Variants in HEATR1 observed in about 807,000 individuals in gnomAD.
The protein encoded by HEATR1 is HEAT repeat containing 1.
HEATR1 carries 77 observed loss-of-function variants against 248.2 expected under a neutral mutation model. That is an observed-to-expected ratio of 0.31 (90% CI 0.26 to 0.37). HEATR1 has a LOEUF of 0.37. Ranked by LOEUF, HEATR1 falls within the 10% of genes least tolerant of loss-of-function variation. HEATR1 has a pLI of 1.00. For missense variants in HEATR1, 2,420 were observed against 2,504.9 expected, an observed-to-expected ratio of 0.97 and a Z score of 0.72; for synonymous variants, 897 against 923.1, an observed-to-expected ratio of 0.97 and a Z score of 0.51.
chr1:236,566,885 C>G lies in HEATR1; in HGVS notation c.4078-9G>C. The G allele has an allele frequency of 1.3e-6, 2 of 1,583,370 alleles. No homozygotes were observed. The highest frequency in any genetic ancestry group is 8.7e-7 in the Non-Finnish European group (1 of 1,152,248). ...GAATCTCCACTATCAGACTGCAAAA[C>G]AGCAAGCAGAGACAATGAGTAGGTG... is the stretch of plus-strand genomic sequence containing the variant. On this transcript the variant is annotated splice_polypyrimidine_tract_variant and intron_variant, in intron 29 of 44. Transcript: ENST00000366582.
At chr1:236,593,387 A>G (rs1664092050) in intron 9 of HEATR1, among the ~76,000 whole-genome samples, 1 of 151,904 alleles carries the variant, frequency 6.6e-6, no homozygotes, top group Admixed American at 6.6e-5. Context: ...TAATTCACAA[A>G]CCAACCCTCT....
intron 32 of HEATR1, 29 bp from the exon 33 acceptor site, chr1:236,561,300 C>CG (rs776113738): frequency 4.4e-6 from 7 of 1,577,042 alleles, no homozygotes; most frequent in Non-Finnish European, 6.1e-6. Context: ...GTCATTAGAA[C>CG]GGTAGGGAAG....
chr1:236,549,322 C>T lies in HEATR1; in HGVS notation c.*1580G>A, dbSNP rs1662604610. 2 of 210,730 alleles carry T rather than the reference C, an allele frequency of 9.5e-6. No homozygotes were observed. The highest frequency in any genetic ancestry group is 9.8e-5 in the East Asian group (1 of 10,230). The allele number at this position is 210,730 out of a possible 1,614,324, so 13.1% of individuals were successfully genotyped here. A position where few individuals can be genotyped will look rare whatever the true frequency, so the allele number is the denominator to read the frequency against. ...ATTTGAGGGGAGTTGGCAGAAGTTC[C>T]ATGTATATGGGATCTTTACAGGTCA... On this transcript the variant is annotated 3_prime_UTR_variant, in exon 45 of 45. Transcript: ENST00000366582.
At chr1:236,601,567 C>T (rs1664324785) in intron 3 of HEATR1, among the ~76,000 whole-genome samples, 1 of 152,066 alleles carries the variant, frequency 6.6e-6, no homozygotes, top group South Asian at 2.1e-4. Flanking sequence ...CTTTGGGAGG[C>T]CGACTCGGCA....
rs572317385 is a variant in HEATR1, at chr1:236,582,061, A to G, written c.2563-647T>C. ...TGTTTACAAGTCTACTTTTGTTTAC[A>G]TTATAAACTGTCATAACCCAAATAA... On this transcript the variant is annotated intron_variant, in intron 19 of 44. Transcript: ENST00000366582. 7.9e-4 allele frequency among the ~76,000 whole-genome samples: 121 copies of G among 152,284 alleles called. No individual in the cohort carries two copies. The Middle Eastern group carries it at 0.017, about 21-fold the overall frequency.
In HEATR1 at chr1:236,554,819, A is replaced by G. The variant is rs1001642858; in HGVS notation, c.5924-67T>C. 15 of 1,335,802 alleles carry G rather than the reference A, an allele frequency of 1.1e-5. No individual in the cohort carries two copies. In the African/African-American group the frequency reaches 2.1e-4, roughly 19 times the overall value. 82.7% of individuals were successfully genotyped at this position (1,335,802 alleles called of 1,614,324 possible). Reference sequence around the variant, plus strand: ...TAACCATTTAATCTCCAATGTTTACATTGAAATCACTATTAAAATAACTAA... The same window carrying G: ...TAACCATTTAATCTCCAATGTTTACGTTGAAATCACTATTAAAATAACTAA... On this transcript the variant is annotated intron_variant, in intron 41 of 44. Transcript: ENST00000366582.
intron 39 of HEATR1, 36 bp downstream of exon 39, chr1:236,555,769 C>A (rs576075248): frequency 1.2e-6 from 2 of 1,613,620 alleles, no homozygotes; most frequent in South Asian, 2.2e-5. Flanking sequence ...AGGTGGATAA[C>A]AGCTTTAGGA....
chr1:236,595,695 T>C (rs745372163), intron 7 of HEATR1, 22 bp from the exon 8 acceptor site: 1 of 1,603,392 alleles, frequency 6.2e-7, no homozygotes, highest in Non-Finnish European at 8.5e-7. Context: ...CAAAAGTACA[T>C]ATCGTGTTGA....
chr1:236,570,521 T>C (rs745669453), intron 28 of HEATR1, among the ~76,000 whole-genome samples: 17 of 151,988 alleles, frequency 1.1e-4, no homozygotes, highest in South Asian at 2.1e-4. Flanking sequence ...TGACAGTTAA[T>C]GGGTGTAGGG....
intron 8 of HEATR1, among the ~76,000 whole-genome samples, chr1:236,594,940 A>C (rs1378642753): frequency 6.6e-6 from 1 of 152,118 alleles, no homozygotes; most frequent in Non-Finnish European, 1.5e-5. Flanking sequence ...CTGGGACCAC[A>C]GTTGCATGTC....
At position 236,574,739 on chromosome 1, in the gene HEATR1, A is replaced by G. The variant is rs199616842; in HGVS notation, c.3249T>C (p.Asp1083=). The G allele has an allele frequency of 4.6e-5, 75 of 1,613,854 alleles. No homozygotes were observed. The Admixed American group carries it at 9.0e-4, about 19-fold the overall frequency. ...SLLNEDPKSL[D]IFIKAVHTTK... is the part of the protein sequence containing the mutation. ...TTGTGTGCACAGCTTTTATAAATAT[A>G]TCTAGACTCTTCGGATCCTCATTTA... The change falls in exon 23 of 45, where the codon GAT becomes GAC. Residue 1083 remains aspartate, a synonymous_variant. Transcript: ENST00000366582.
intron 13 of HEATR1, 86 bp downstream of exon 13, chr1:236,587,862 T>C: frequency 1.1e-6 from 1 of 906,162 alleles, no homozygotes; most frequent in Non-Finnish European, 1.7e-6. Context: ...TTTCCAAAAA[T>C]ATTCTAGTCT....
intron 16 of HEATR1, among the ~76,000 whole-genome samples, 188 bp from the exon 17 acceptor site, chr1:236,585,404 A>G (rs1663859153): frequency 6.6e-6 from 1 of 152,228 alleles, no homozygotes; most frequent in South Asian, 2.1e-4. Flanking sequence ...TGTAATGAAC[A>G]TAATTGCACT....
chr1:236,553,567 A>C lies in HEATR1; in HGVS notation c.6237+14T>G. 1.2e-6 allele frequency: 2 copies of C among 1,611,116 alleles called. No homozygotes were observed. The highest frequency in any genetic ancestry group is 1.7e-6 in the Non-Finnish European group (2 of 1,178,460). On this transcript the variant is annotated intron_variant, in intron 43 of 44. Coordinates refer to ENST00000366582, the MANE Select transcript of HEATR1 (RefSeq NM_018072.6). ...AAAAGATGCAGTTTCAGTACTTGTC[A>C]CGCAGTTCCTAACCTTAGGCGAGGA...
chr1:236,602,507 C>T (rs1304960159), intron 3 of HEATR1, among the ~76,000 whole-genome samples: 1 of 152,200 alleles, frequency 6.6e-6, no homozygotes, highest in African/African-American at 2.4e-5. Context: ...AATGGTATTT[C>T]AGAGGATAAC....
intron 12 of HEATR1, among the ~76,000 whole-genome samples, 165 bp downstream of exon 12, chr1:236,590,682 A>G (rs2564740): frequency 0.61 from 93,386 of 152,106 alleles, 30,432 homozygotes; most frequent in East Asian, 0.72. Context: ...AAATGGGGAC[A>G]ACTGGCATAC....
chr1:236,576,853 G>A lies in HEATR1; in HGVS notation c.2852C>T (p.Pro951Leu), dbSNP rs150392772. 6.2e-6 allele frequency: 10 copies of A among 1,613,804 alleles called. No individual in the cohort carries two copies. The highest frequency in any genetic ancestry group is 5.3e-5 in the African/African-American group (4 of 74,890). Residue 951 changes from proline (P) to leucine (L), a missense_variant, in exon 21 of 45, where the codon CCG (proline) becomes CTG (leucine). By Grantham distance (98) the Pro-to-Leu change is moderately conservative. Coordinates refer to ENST00000366582, the MANE Select transcript of HEATR1 (RefSeq NM_018072.6). ...CLQALSGVASPFYLIIDHLIS... is the reference protein window; with the variant it reads ...CLQALSGVASLFYLIIDHLIS... The stretch of plus-strand genomic sequence containing the variant: ...CAAATGATCTATTATCAGATAAAAC[G>A]GGGATGCCACTCCACTGAGGGCCTG...
chr1:236,572,972 G>A, intron 24 of HEATR1, 144 bp from the exon 25 acceptor site: 1 of 729,190 alleles, frequency 1.4e-6, no homozygotes, highest in South Asian at 1.7e-5. Context: ...CCCCAGCATT[G>A]GATGCTACTA....
intron 3 of HEATR1, among the ~76,000 whole-genome samples, chr1:236,600,118 ATTTTTTTTTTTTT>A (rs67344658): frequency 0.016 from 799 of 50,356 alleles, 10 homozygotes; most frequent in African/African-American, 0.06. Context: ...GTCTGTCAAC[ATTTTTTTTTTTTT>A]TTTTTTTTTT....
Sources: gnomAD v4.1 joint callset for allele counts (sites outside exome capture counted in the v4.1 genomes callset) on GRCh38, gnomAD v4.1.1 for gene constraint, MANE v1.5 for transcripts, NCBI Gene and HGNC (gene_info 2026-07-23, HGNC 2026-07-21) for gene names.